KIAA1217: variants seen among roughly 807,000 people sequenced by gnomAD.
KIAA1217 encodes sickle tail protein homolog.
In KIAA1217, 88 loss-of-function variants were observed where a neutral mutation model predicts 163.9. That is an observed-to-expected ratio of 0.54 (90% CI 0.45 to 0.64). KIAA1217 has a LOEUF of 0.64. Ranked by LOEUF, KIAA1217 falls within the 30% of genes least tolerant of loss-of-function variation. The pLI, the probability that KIAA1217 is intolerant of heterozygous loss-of-function variation, is 0.00. For synonymous variants in KIAA1217, 903 were observed against 923.1 expected, an observed-to-expected ratio of 0.98 and a Z score of 0.39; for missense variants, 2,372 against 2,475.0, an observed-to-expected ratio of 0.96 and a Z score of 0.88.
chr10:24,489,213 G>A (rs1454537582), intron 6 of KIAA1217, among the ~76,000 whole-genome samples: 1 of 151,796 alleles, frequency 6.6e-6, no homozygotes, highest in African/African-American at 2.4e-5. Context: ...CTGTACTCCA[G>A]CCTGGGAACA....
intron 1 of KIAA1217, among the ~76,000 whole-genome samples, chr10:23,996,050 G>A (rs1846465658): frequency 6.6e-6 from 1 of 152,160 alleles, no homozygotes; most frequent in African/African-American, 2.4e-5. Context: ...GGGTTGAAAT[G>A]TTGGTGCTAG....
At chr10:24,513,815 C>A (rs2134296061) in intron 10 of KIAA1217, among the ~76,000 whole-genome samples, 1 of 149,202 alleles carries the variant, frequency 6.7e-6, no homozygotes, top group South Asian at 2.1e-4. Flanking sequence ...GAGAGAGTTG[C>A]AGCTTCATAC....
chr10:24,122,821 A>C (rs1328783011), intron 2 of KIAA1217, among the ~76,000 whole-genome samples: 1 of 152,008 alleles, frequency 6.6e-6, no homozygotes, highest in Non-Finnish European at 1.5e-5. Context: ...ACAATAATTA[A>C]AAAATAATGA....
Position 24,209,789 on chromosome 10 carries a change from TGATA to T in KIAA1217, c.70+533_70+536del, listed in dbSNP as rs568087124. On this transcript the variant is annotated intron_variant, in intron 1 of 20. Transcript: ENST00000376454. ...GCAGGGGAGGGCTTGAGCATCTGGG[TGATA>T]GATAGAACTCTGGATCTTCTTTTAT... 3.3e-5 allele frequency among the ~76,000 whole-genome samples: 5 copies of T among 152,344 alleles called. No individual in the cohort carries two copies. In the South Asian group the frequency reaches 6.2e-4, roughly 19 times the overall value.
At chr10:24,403,917 T>C (rs922501630) in intron 3 of KIAA1217, among the ~76,000 whole-genome samples, 6 of 152,282 alleles carry the variant, frequency 3.9e-5, no homozygotes, top group South Asian at 4.1e-4. Context: ...AAATGTAAAA[T>C]GGAATAGCCA....
intron 2 of KIAA1217, among the ~76,000 whole-genome samples, chr10:24,109,266 G>C (rs1272479059): frequency 6.6e-6 from 1 of 152,198 alleles, no homozygotes; most frequent in Admixed American, 6.5e-5. Flanking sequence ...TAATGTCACA[G>C]ATGGAAAGAC....
chr10:23,843,589 A>T (rs555111273), intron 1 of KIAA1217, among the ~76,000 whole-genome samples: 1 of 152,034 alleles, frequency 6.6e-6, no homozygotes, highest in African/African-American at 2.4e-5. Context: ...TGTCCTTCCT[A>T]ATTCTGCTCT....
At chr10:24,146,078 C>T (rs1428973621) in intron 2 of KIAA1217, among the ~76,000 whole-genome samples, 2 of 152,178 alleles carry the variant, frequency 1.3e-5, no homozygotes, top group South Asian at 2.1e-4. Flanking sequence ...CAAATAATTT[C>T]TTTTTTGGCT....
At chr10:23,803,183 G>A (rs1329653439) in intron 1 of KIAA1217, among the ~76,000 whole-genome samples, 1 of 152,072 alleles carries the variant, frequency 6.6e-6, no homozygotes, top group Non-Finnish European at 1.5e-5. Context: ...TATAATTTGG[G>A]GTAACAAGTT....
intron 2 of KIAA1217, among the ~76,000 whole-genome samples, chr10:24,070,805 T>C (rs927888491): frequency 2.0e-5 from 3 of 149,234 alleles, no homozygotes; most frequent in Admixed American, 6.6e-5. Context: ...GAAAAACTAT[T>C]TAGAGAACAC....
Position 23,783,476 on chromosome 10 carries a change from G to A in KIAA1217, c.-321+88242G>A, listed in dbSNP as rs556164705. Among the ~76,000 whole-genome samples, 4 of 152,266 alleles carry A rather than the reference G, an allele frequency of 2.6e-5. No individual in the cohort carries two copies. In the South Asian group the frequency reaches 8.3e-4, roughly 32 times the overall value. On this transcript the variant is annotated intron_variant, in intron 1 of 18. Transcript: ENST00000376462. ...GATTTCAATTTGCTGGTATCTAATT[G>A]AGGATTTTTGCATCAATATTTATAA...
chr10:24,039,347 G>A (rs112305507), intron 2 of KIAA1217, among the ~76,000 whole-genome samples: 2 of 152,034 alleles, frequency 1.3e-5, no homozygotes, highest in South Asian at 2.1e-4. Context: ...TTTACAATGG[G>A]GGAAACAATA....
intron 1 of KIAA1217, among the ~76,000 whole-genome samples, chr10:23,861,915 G>C (rs1183879864): frequency 6.6e-6 from 1 of 152,196 alleles, no homozygotes; most frequent in Admixed American, 6.5e-5. Flanking sequence ...ACAGAACTAT[G>C]AGATAACAAA....
intron 1 of KIAA1217, among the ~76,000 whole-genome samples, chr10:23,815,336 C>G (rs1279494405): frequency 1.3e-5 from 2 of 152,126 alleles, no homozygotes; most frequent in Non-Finnish European, 1.5e-5. Flanking sequence ...TACAGAAAGA[C>G]AGTGGATGGT....
intron 1 of KIAA1217, among the ~76,000 whole-genome samples, chr10:23,854,926 T>A (rs964199087): frequency 4.6e-5 from 7 of 152,214 alleles, no homozygotes; most frequent in Non-Finnish European, 7.3e-5. Flanking sequence ...ATGAGATAGG[T>A]TTCCTGAATA....
At chr10:24,388,229 A>G (rs1398699701) in intron 3 of KIAA1217, among the ~76,000 whole-genome samples, 1 of 152,248 alleles carries the variant, frequency 6.6e-6, no homozygotes, top group Admixed American at 6.5e-5. Context: ...GGAACAGAAC[A>G]GAGCCCTCAG....
intron 2 of KIAA1217, among the ~76,000 whole-genome samples, chr10:24,079,477 G>A (rs2061473127): frequency 6.6e-6 from 1 of 152,082 alleles, no homozygotes; most frequent in African/African-American, 2.4e-5. Context: ...GAAAATAAAT[G>A]GGATAATGCC....
chr10:24,179,063 A>T (rs2131943538), intron 2 of KIAA1217, among the ~76,000 whole-genome samples: 1 of 152,378 alleles, frequency 6.6e-6, no homozygotes, highest in East Asian at 1.9e-4. Flanking sequence ...GATAATTAAC[A>T]GGAGAAAGTG....
chr10:24,261,011 TA>T (rs1311522006), intron 2 of KIAA1217, among the ~76,000 whole-genome samples: 1 of 152,160 alleles, frequency 6.6e-6, no homozygotes, highest in Non-Finnish European at 1.5e-5. Context: ...GAGACCCAGT[TA>T]CAGAGCTATG....
Sources: gnomAD v4.1 joint callset for allele counts (sites outside exome capture counted in the v4.1 genomes callset) on GRCh38, gnomAD v4.1.1 for gene constraint, MANE v1.5 for transcripts, NCBI Gene and HGNC (gene_info 2026-07-23, HGNC 2026-07-21) for gene names.